The following ZCCHC24 variants were observed in gnomAD, a reference collection of about 807,000 sequenced individuals.
The protein encoded by ZCCHC24 is zinc finger CCHC domain-containing protein 24.
A neutral mutation model predicts 26.2 loss-of-function variants in ZCCHC24; 10 were observed. That is an observed-to-expected ratio of 0.38 (90% CI 0.24 to 0.65). The LOEUF is 0.65. ZCCHC24 is among the 30% of genes least tolerant of loss of function. The pLI is 0.54. For missense variants in ZCCHC24, 243 were observed against 329.1 expected (o/e 0.74, Z 2.03); for synonymous variants, 144 against 147.1 (o/e 0.98, Z 0.15).
At chr10:79,432,970 C>T (rs989518885) in intron 1 of ZCCHC24, among the ~76,000 whole-genome samples, 1 of 152,150 alleles carries the variant, frequency 6.6e-6, no homozygotes, top group East Asian at 1.9e-4. Flanking sequence ...GCAAAATGGT[C>T]CTAGTAACAG....
At position 79,397,774 on chromosome 10, in the gene ZCCHC24, T is replaced by C. The variant is rs146355466; in HGVS notation, c.448-3334A>G. On this transcript the variant is annotated intron_variant, in intron 2 of 3. Transcript: ENST00000372336. ...GGACCTGGTGCCTGGCCTCACACAG[T>C]TGGGGCAAAGGACAGGGGTCAAGGT... Among the ~76,000 whole-genome samples, 30 of 152,070 alleles carry C rather than the reference T, an allele frequency of 2.0e-4. No homozygotes were observed. The East Asian group carries it at 5.4e-3, about 28-fold the overall frequency.
At position 79,445,512 on chromosome 10, in the gene ZCCHC24, C is replaced by T; in HGVS notation, c.-72G>A. 1 of 1,240,342 alleles carries T rather than the reference C, an allele frequency of 8.1e-7. No homozygotes were observed. 76.8% of individuals were successfully genotyped at this position (1,240,342 alleles called of 1,614,324 possible). A position where few individuals can be genotyped will look rare whatever the true frequency, so the allele number is the denominator to read the frequency against. The stretch of plus-strand genomic sequence containing the variant: ...CCCCTCCGCAGCGGAGGGGCGGGCA[C>T]CGGGGAGCCTGTGCCCACTGCCCGC... On this transcript the variant is annotated 5_prime_UTR_variant, in exon 1 of 4. It adds an upstream start codon to the 5' untranslated region. Transcript: ENST00000372336.
chr10:79,423,523 C>CCTGGGTGA (rs1420192401), intron 2 of ZCCHC24, among the ~76,000 whole-genome samples: 7 of 130,838 alleles, frequency 5.4e-5, no homozygotes, highest in African/African-American at 2.0e-4. Flanking sequence ...TGGACTCCAG[C>CCTGGGTGA]CTGGGTGACA....
chr10:79,436,048 A>T (rs890810494), intron 1 of ZCCHC24, among the ~76,000 whole-genome samples: 3 of 152,168 alleles, frequency 2.0e-5, no homozygotes, highest in African/African-American at 7.2e-5. Flanking sequence ...TAGGGTCCAG[A>T]CACCCGGGTC....
chr10:79,386,249 A>C lies in ZCCHC24; in HGVS notation c.*96T>G. ...CCCCGCAGGCCTGCGAGGGCACCCC[A>C]TGCACAGGGCGACACGCAGCCCCTC... On this transcript the variant is annotated 3_prime_UTR_variant, in exon 4 of 4. Transcript: ENST00000372336. 1.7e-6 allele frequency: 2 copies of C among 1,207,358 alleles called. No homozygotes were observed. The highest frequency in any genetic ancestry group is 2.4e-6 in the Non-Finnish European group (2 of 833,824). The allele number at this position is 1,207,358 out of a possible 1,614,324, so 74.8% of individuals were successfully genotyped here.
rs145717669 is a variant in ZCCHC24 at position 79,427,069 on chromosome 10, C to CA, written c.447+5488dup. ...ATATCAGACAAAATATACTTTAAAACAAAAAAAAAACAGTTACTAGAGAAA... is the reference window on the plus strand; with the variant it reads ...ATATCAGACAAAATATACTTTAAAACAAAAAAAAAAACAGTTACTAGAGAAA... On this transcript the variant is annotated intron_variant, in intron 2 of 3. Coordinates refer to ENST00000372336, the MANE Select transcript of ZCCHC24 (RefSeq NM_153367.4). 2.2e-3 allele frequency among the ~76,000 whole-genome samples: 324 copies of CA among 144,330 alleles called. 3 individuals carry two copies. The highest frequency in any genetic ancestry group is 5.4e-3 in the African/African-American group (214 of 39,410). 94.7% of individuals were successfully genotyped at this position (144,330 alleles called of 152,430 possible).
chr10:79,441,107 C>A (rs996699009), intron 1 of ZCCHC24, among the ~76,000 whole-genome samples: 1 of 151,648 alleles, frequency 6.6e-6, no homozygotes, highest in African/African-American at 2.4e-5. Flanking sequence ...CACACACACA[C>A]ACACACACAC....
intron 2 of ZCCHC24, among the ~76,000 whole-genome samples, chr10:79,402,710 A>G (rs1348763660): frequency 6.6e-6 from 1 of 152,162 alleles, no homozygotes; most frequent in African/African-American, 2.4e-5. Flanking sequence ...TTAACAGGAG[A>G]GCAAACTGAG....
At chr10:79,434,229 G>A (rs576406833) in intron 1 of ZCCHC24, among the ~76,000 whole-genome samples, 63 of 152,310 alleles carry the variant, frequency 4.1e-4, no homozygotes, top group African/African-American at 1.4e-3. Context: ...TATAGTGACT[G>A]GGAAGGATTT....
chr10:79,408,894 C>T (rs957579795), intron 2 of ZCCHC24: 1 of 152,260 alleles, frequency 6.6e-6, no homozygotes, highest in Non-Finnish European at 1.5e-5. Flanking sequence ...TCAGTTTCCC[C>T]ATCTGTCCAT....
At chr10:79,398,805 C>T (rs530859735) in intron 2 of ZCCHC24, among the ~76,000 whole-genome samples, 1 of 152,146 alleles carries the variant, frequency 6.6e-6, no homozygotes, top group East Asian at 1.9e-4. Context: ...CCCGTCAGAC[C>T]CCCAGCCAAC....
chr10:79,403,023 C>T (rs933987313), intron 2 of ZCCHC24, among the ~76,000 whole-genome samples: 1 of 152,208 alleles, frequency 6.6e-6, no homozygotes, highest in Admixed American at 6.5e-5. Flanking sequence ...GCCCTGTCTT[C>T]ATGGAGCTCT....
At chr10:79,401,159 C>T (rs1301621003) in intron 2 of ZCCHC24, among the ~76,000 whole-genome samples, 1 of 152,208 alleles carries the variant, frequency 6.6e-6, no homozygotes, top group Admixed American at 6.5e-5. Context: ...CCAGGATGCA[C>T]GGCCTCTGCC....
Position 79,386,243 on chromosome 10 carries a change from C to T in ZCCHC24, c.*102G>A, listed in dbSNP as rs747797227. ...GCCCAGCCCCGCAGGCCTGCGAGGG[C>T]ACCCCATGCACAGGGCGACACGCAG... On this transcript the variant is annotated 3_prime_UTR_variant, in exon 4 of 4. Transcript: ENST00000372336. The T allele has an allele frequency of 1.6e-5, 18 of 1,104,590 alleles. No individual in the cohort carries two copies. In the Admixed American group the frequency reaches 3.8e-4, roughly 23 times the overall value. 68.4% of individuals were successfully genotyped at this position (1,104,590 alleles called of 1,614,324 possible). A position where few individuals can be genotyped will look rare whatever the true frequency, so the allele number is the denominator to read the frequency against.
In ZCCHC24 at chr10:79,407,232, C is replaced by G. The variant is rs1337020977; in HGVS notation, c.448-12792G>C. The stretch of plus-strand genomic sequence containing the variant: ...AGCGCCAGCCAGGTGCAGACCTGCC[C>G]CCAGGGAGCGCCTGTCCCAGAGGAG... On this transcript the variant is annotated intron_variant, in intron 2 of 3. Transcript: ENST00000372336. Among the ~76,000 whole-genome samples the G allele has an allele frequency of 2.0e-5, 3 of 152,208 alleles. No homozygotes were observed. In the East Asian group the frequency reaches 5.8e-4, roughly 29 times the overall value.
rs1857348796 is a variant in ZCCHC24, at chr10:79,445,202, C to T, written c.239G>A (p.Arg80His). 1.6e-6 allele frequency: 2 copies of T among 1,288,146 alleles called. No individual in the cohort carries two copies. 79.8% of individuals were successfully genotyped at this position (1,288,146 alleles called of 1,614,324 possible). The change falls in exon 1 of 4, where the codon CGC becomes CAC. Residue 80 changes from arginine (R) to histidine (H), a missense_variant. By Grantham distance (29) the Arg-to-His change is conservative. This residue lies in a region of ZCCHC24 where 147 missense variants were observed against 150.8 expected (regional missense o/e 0.97). Coordinates refer to ENST00000372336, the MANE Select transcript of ZCCHC24 (RefSeq NM_153367.4). ...GCGCGCGGGGGCACCCACCTCTCCG[C>T]GCTGCAGCTGGAAGAAGCTGTTGAG... ...SYLNSFFQLQ[R>H]GEALSNSVYK...
chr10:79,394,259 C>T lies in ZCCHC24; in HGVS notation c.612+17G>A. ...TCCCGCGGTCCTTCTGAGAAGGCCC[C>T]AGCCTGCCCGGCTCACCTGCTTGTG... On this transcript the variant is annotated intron_variant, in intron 3 of 3. Coordinates refer to ENST00000372336, the MANE Select transcript of ZCCHC24 (RefSeq NM_153367.4). 1 of 1,610,622 alleles carries T rather than the reference C, an allele frequency of 6.2e-7. No individual in the cohort carries two copies. Among genetic ancestry groups the T allele is most frequent in the Non-Finnish European group, 8.5e-7 (1 of 1,177,826 alleles).
chr10:79,420,651 T>A (rs917418755), intron 2 of ZCCHC24, among the ~76,000 whole-genome samples: 1 of 152,134 alleles, frequency 6.6e-6, no homozygotes, highest in Admixed American at 6.5e-5. Context: ...TGGTGGTTCA[T>A]GTCTATAGTT....
chr10:79,405,566 C>T (rs1403144626), intron 2 of ZCCHC24, among the ~76,000 whole-genome samples: 3 of 152,234 alleles, frequency 2.0e-5, no homozygotes, highest in Non-Finnish European at 4.4e-5. Flanking sequence ...GAGCTAGCAG[C>T]GCCATTTGCA....
Sources: gnomAD v4.1 joint callset for allele counts (sites outside exome capture counted in the v4.1 genomes callset) on GRCh38, gnomAD v4.1.1 for gene constraint, gnomAD v4.1.1 regional missense constraint, MANE v1.5 for transcripts, NCBI Gene and HGNC (gene_info 2026-07-23, HGNC 2026-07-21) for gene names.